Variants in CDH13 observed in about 807,000 individuals in gnomAD.
The protein encoded by CDH13 is cadherin 13, also known as cadherin-13.
Under a neutral mutation model 63.8 loss-of-function variants are expected in CDH13, and 24 were observed. The ratio of observed to expected loss-of-function variants is 0.38; its 90% CI spans 0.27 to 0.53. The LOEUF (loss-of-function observed/expected upper bound fraction) is 0.53. CDH13 is among the 20% of genes least tolerant of loss of function. CDH13 has a pLI of 0.85. For synonymous variants in CDH13, 503 were observed against 355.3 expected (o/e 1.42, Z -4.67); for missense variants, 1,049 against 903.1 (o/e 1.16, Z -2.07).
At chr16:82,809,490 G>C (rs2037332602) in intron 1 of CDH13, among the ~76,000 whole-genome samples, 1 of 152,076 alleles carries the variant, frequency 6.6e-6, no homozygotes, top group African/African-American at 2.4e-5. Context: ...AAAGATGGCT[G>C]AGCAGCTTCT....
intron 5 of CDH13, among the ~76,000 whole-genome samples, chr16:83,224,892 G>A (rs1181142866): frequency 2.0e-5 from 3 of 152,180 alleles, no homozygotes; most frequent in Non-Finnish European, 4.4e-5. Flanking sequence ...CGGTTTTATA[G>A]TTTAAGCTCC....
intron 6 of CDH13, among the ~76,000 whole-genome samples, chr16:83,426,879 T>C (rs1414462648): frequency 6.7e-6 from 1 of 149,960 alleles, no homozygotes; most frequent in African/African-American, 2.5e-5. Flanking sequence ...TTTGTCCTAA[T>C]TCTCAGAATC....
chr16:83,216,261 G>A (rs1201013849), intron 4 of CDH13, among the ~76,000 whole-genome samples: 1 of 150,984 alleles, frequency 6.6e-6, no homozygotes, highest in African/African-American at 2.4e-5. Context: ...AGTGTCTCTA[G>A]AGAATGGAAG....
intron 8 of CDH13, among the ~76,000 whole-genome samples, chr16:83,627,921 A>C (rs1910460317): frequency 6.6e-6 from 1 of 152,230 alleles, no homozygotes; most frequent in Admixed American, 6.5e-5. Flanking sequence ...AGACTTTTCC[A>C]GGAAATGGAT....
At chr16:83,342,769 C>G (rs537820445) in intron 5 of CDH13, among the ~76,000 whole-genome samples, 1 of 145,200 alleles carries the variant, frequency 6.9e-6, no homozygotes, top group South Asian at 2.2e-4. Flanking sequence ...CTGGCCAAGT[C>G]TTATAGAATG....
At chr16:83,193,073 T>G (rs2038772360) in intron 4 of CDH13, among the ~76,000 whole-genome samples, 1 of 151,998 alleles carries the variant, frequency 6.6e-6, no homozygotes, top group African/African-American at 2.4e-5. Flanking sequence ...TCTGACTCAC[T>G]TGGAGAGTAC....
intron 1 of CDH13, among the ~76,000 whole-genome samples, chr16:82,758,656 A>T (rs1194241781): frequency 4.6e-5 from 7 of 152,168 alleles, no homozygotes; most frequent in African/African-American, 1.7e-4. Flanking sequence ...TGCTTAAGGC[A>T]TTACAGAGGG....
chr16:82,868,946 T>C (rs147097080), intron 2 of CDH13, among the ~76,000 whole-genome samples: 5 of 152,322 alleles, frequency 3.3e-5, no homozygotes, highest in Non-Finnish European at 7.3e-5. Flanking sequence ...TGTGGTTTTA[T>C]TTTCTCATCT....
chr16:83,539,347 C>T (rs1048531408), intron 7 of CDH13, among the ~76,000 whole-genome samples: 6 of 152,052 alleles, frequency 3.9e-5, no homozygotes, highest in African/African-American at 1.4e-4. Context: ...TGACAGGAGG[C>T]GGAGCTCAGG....
intron 2 of CDH13, among the ~76,000 whole-genome samples, chr16:82,901,325 TGTG>T (rs2041461041): frequency 2.7e-5 from 1 of 37,166 alleles, no homozygotes; most frequent in East Asian, 5.4e-3. Context: ...AGTATTCTCC[TGTG>T]TGTGTGTGTG....
At chr16:82,890,007 A>C (rs1223737261) in intron 2 of CDH13, among the ~76,000 whole-genome samples, 2 of 152,244 alleles carry the variant, frequency 1.3e-5, no homozygotes, top group Non-Finnish European at 2.9e-5. Context: ...GTTTTTGAAG[A>C]TTTGTGACTA....
chr16:83,079,270 T>C (rs1212246078), intron 3 of CDH13, among the ~76,000 whole-genome samples: 4 of 152,226 alleles, frequency 2.6e-5, no homozygotes, highest in Non-Finnish European at 5.9e-5. Flanking sequence ...GAATATTCCA[T>C]TGTATGAACG....
intron 11 of CDH13, among the ~76,000 whole-genome samples, chr16:83,779,560 C>T (rs1002348356): frequency 6.6e-5 from 10 of 151,966 alleles, no homozygotes; most frequent in African/African-American, 1.5e-4. Context: ...TGGTGGCTCA[C>T]GCCTGTGATC....
At chr16:82,768,621 C>T (rs1213353584) in intron 1 of CDH13, among the ~76,000 whole-genome samples, 1 of 152,104 alleles carries the variant, frequency 6.6e-6, no homozygotes, top group Non-Finnish European at 1.5e-5. Context: ...AATCTTTATC[C>T]CTATCTCAAA....
Position 82,678,848 on chromosome 16 carries a change from A to G in CDH13, c.45+51711A>G, listed in dbSNP as rs184178400. Among the ~76,000 whole-genome samples, 37 of 152,322 alleles carry G rather than the reference A, an allele frequency of 2.4e-4. No homozygotes were observed. In the East Asian group the frequency reaches 6.9e-3, roughly 29 times the overall value. On this transcript the variant is annotated intron_variant, in intron 1 of 13. Coordinates refer to ENST00000567109, the MANE Select transcript of CDH13 (RefSeq NM_001257.5). Reference sequence around the variant, plus strand: ...ACTCACAGCAAAATATTTATAAAAGAAAACAACTCTTTCATCATCCCTGAC... The same window carrying G: ...ACTCACAGCAAAATATTTATAAAAGGAAACAACTCTTTCATCATCCCTGAC...
At chr16:82,642,749 C>G (rs539513636) in intron 1 of CDH13, among the ~76,000 whole-genome samples, 1 of 152,148 alleles carries the variant, frequency 6.6e-6, no homozygotes, top group Admixed American at 6.6e-5. Context: ...CAGTGTGGTG[C>G]TGATTTTGAA....
rs192298176 is a variant in CDH13, at chr16:83,486,478, C to A, written c.783C>A (p.Gly261=). The A allele has an allele frequency of 2.3e-4, 373 of 1,612,160 alleles. 2 individuals are homozygous for A. In the African/African-American group the frequency reaches 4.6e-3, roughly 20 times the overall value. The change falls in exon 7 of 14, where the codon GGC becomes GGA. Residue 261 remains glycine, a splice_region_variant and synonymous_variant. Transcript: ENST00000567109. ...TGCCTTTCTGTCTTGCCCCGGTAGG[C>A]ACCACAGTGATGCGGATGACAGCCT... ...IGHVMEGSPT[G]TTVMRMTAFD... is the part of the protein sequence containing the mutation.
chr16:83,302,807 G>C (rs1479233375), intron 5 of CDH13, among the ~76,000 whole-genome samples: 4 of 152,224 alleles, frequency 2.6e-5, no homozygotes, highest in African/African-American at 9.6e-5. Flanking sequence ...CAGAGCAGGT[G>C]ACACAGTGAG....
At chr16:83,565,198 C>G (rs1222051417) in intron 7 of CDH13, among the ~76,000 whole-genome samples, 1 of 152,018 alleles carries the variant, frequency 6.6e-6, no homozygotes, top group Non-Finnish European at 1.5e-5. Context: ...AGATCTCGCC[C>G]AAGGCTTACT....
Sources: gnomAD v4.1 joint callset for allele counts (sites outside exome capture counted in the v4.1 genomes callset) on GRCh38, gnomAD v4.1.1 for gene constraint, MANE v1.5 for transcripts, NCBI Gene and HGNC (gene_info 2026-07-23, HGNC 2026-07-21) for gene names.